Variants in FGF12 observed in about 807,000 individuals in gnomAD.
The protein encoded by FGF12 is fibroblast growth factor 12, also known as fibroblast growth factor 12B.
Under a neutral mutation model 23.6 loss-of-function variants are expected in FGF12, and 14 were observed. That is an observed-to-expected ratio of 0.59 (90% CI 0.39 to 0.93). FGF12 has a LOEUF of 0.93. Ranked by LOEUF, FGF12 falls within the 40% of genes least tolerant of loss-of-function variation. FGF12 has a pLI of 0.00. For synonymous variants in FGF12, 62 were observed against 77.3 expected (o/e 0.80, Z 1.04); for missense variants, 175 against 217.8 (o/e 0.80, Z 1.24).
At position 192,408,003 on chromosome 3, in the gene FGF12, C is replaced by T. The variant is rs1401075904; in HGVS notation, c.14-47465G>A. On this transcript the variant is annotated intron_variant, in intron 2 of 5. Coordinates refer to ENST00000445105, the MANE Select transcript of FGF12 (RefSeq NM_004113.6). This position sits in a 1 kb window ranked among gnomAD's most constrained non-coding sequence, Gnocchi z 7.3. ...AAGAGGGCGTCCCCTCTGGGGAGCCCACTCTCCGGGCTTCTACTGACCTGG... is the reference window on the plus strand; with the variant it reads ...AAGAGGGCGTCCCCTCTGGGGAGCCTACTCTCCGGGCTTCTACTGACCTGG... 6.3e-7 allele frequency: 1 copy of T among 1,587,790 alleles called. No homozygotes were observed. Among genetic ancestry groups the T allele is most frequent in the Non-Finnish European group, 8.6e-7 (1 of 1,167,942 alleles).
chr3:192,564,778 G>A (rs1282647861), intron 2 of FGF12, among the ~76,000 whole-genome samples: 1 of 152,156 alleles, frequency 6.6e-6, no homozygotes, highest in Non-Finnish European at 1.5e-5. Flanking sequence ...ATGTTTCTGT[G>A]TTTTGGTATT....
intron 3 of FGF12, among the ~76,000 whole-genome samples, chr3:192,343,076 C>A (rs958092807): frequency 6.6e-6 from 1 of 151,974 alleles, no homozygotes; most frequent in African/African-American, 2.4e-5. Context: ...ACATGTAAAT[C>A]CAGTATCTTT....
At chr3:192,321,902 G>C (rs1266790220) in intron 4 of FGF12, among the ~76,000 whole-genome samples, 1 of 151,970 alleles carries the variant, frequency 6.6e-6, no homozygotes, top group Admixed American at 6.5e-5. Flanking sequence ...TCTAAGATTA[G>C]GGAACAAGAC....
intron 4 of FGF12, among the ~76,000 whole-genome samples, chr3:192,231,740 A>G (rs1467619826): frequency 6.6e-6 from 1 of 152,136 alleles, no homozygotes; most frequent in Non-Finnish European, 1.5e-5. Context: ...ACTGCACTCC[A>G]GCCTGAGCAA....
intron 2 of FGF12, among the ~76,000 whole-genome samples, chr3:192,633,404 C>A (rs1216728997): frequency 1.3e-5 from 2 of 152,122 alleles, no homozygotes; most frequent in African/African-American, 2.4e-5. Context: ...ATGGCTTCAT[C>A]TTAATTCAGG....
Position 192,305,045 on chromosome 3 carries a change from CAAG to C in FGF12, c.228+30313_228+30315del, listed in dbSNP as rs1388907847. On this transcript the variant is annotated intron_variant, in intron 4 of 5. Coordinates refer to ENST00000445105, the MANE Select transcript of FGF12 (RefSeq NM_004113.6). ...GAGGATTGGAGGAATGGAGCAGAAA[CAAG>C]AGAGATTAACAGAGAAGGGAGAGGA... 3.3e-5 allele frequency among the ~76,000 whole-genome samples: 5 copies of C among 151,458 alleles called. No individual in the cohort carries two copies. In the East Asian group the frequency reaches 9.7e-4, roughly 29 times the overall value.
At chr3:192,197,929 A>G (rs1473934389) in intron 4 of FGF12, among the ~76,000 whole-genome samples, 2 of 148,374 alleles carry the variant, frequency 1.3e-5, no homozygotes, top group African/African-American at 5.0e-5. Context: ...CTGGGGAACA[A>G]AAGCGAAATT....
intron 2 of FGF12, among the ~76,000 whole-genome samples, chr3:192,490,765 A>G (rs1253945717): frequency 6.6e-6 from 1 of 152,178 alleles, no homozygotes; most frequent in Non-Finnish European, 1.5e-5. Context: ...AACATAACAC[A>G]AAGCAAAGCA....
At position 192,718,949 on chromosome 3, in the gene FGF12, G is replaced by T. The variant is rs1304677931; in HGVS notation, c.13+8232C>A. On this transcript the variant is annotated intron_variant, in intron 2 of 5. Coordinates refer to ENST00000445105, the MANE Select transcript of FGF12 (RefSeq NM_004113.6). ...ACAAGCTTAAAATAACAATTTCTTT[G>T]TAACAAGAAAATAAAAATCAATAAT... Among the ~76,000 whole-genome samples, 3 of 150,688 alleles carry T rather than the reference G, an allele frequency of 2.0e-5. No individual in the cohort carries two copies. In the East Asian group the frequency reaches 5.8e-4, roughly 29 times the overall value.
intron 2 of FGF12, among the ~76,000 whole-genome samples, chr3:192,512,859 T>TATATATATATATATATATATAA (rs376386122): frequency 0.019 from 1,061 of 56,918 alleles, 24 homozygotes; most frequent in African/African-American, 0.024. Context: ...TATATATATA[T>TATATATATATATATATATATAA]AACAGGCTAT....
In FGF12 at chr3:192,711,375, C is replaced by T. The variant is rs550742946; in HGVS notation, c.13+15806G>A. The stretch of plus-strand genomic sequence containing the variant: ...GCCGTCCCGTCCGGGAGGTGGGGGG[C>T]GCCTCTGCCCGGCCGCCCCTTCTGG... On this transcript the variant is annotated intron_variant, in intron 2 of 5. Coordinates refer to ENST00000445105, the MANE Select transcript of FGF12 (RefSeq NM_004113.6). Among the ~76,000 whole-genome samples, 136 of 152,048 alleles carry T rather than the reference C, an allele frequency of 8.9e-4. 1 individual carries two copies. Among genetic ancestry groups the T allele is most frequent in the African/African-American group, 3.1e-3 (128 of 41,436 alleles).
intron 2 of FGF12, among the ~76,000 whole-genome samples, chr3:192,654,806 C>T (rs1235902572): frequency 6.6e-6 from 1 of 152,138 alleles, no homozygotes; most frequent in Non-Finnish European, 1.5e-5. Flanking sequence ...GTATATTCAA[C>T]AGAAAGAGTG....
intron 4 of FGF12, among the ~76,000 whole-genome samples, chr3:192,288,482 G>T (rs1208076438): frequency 1.3e-5 from 2 of 151,922 alleles, no homozygotes; most frequent in African/African-American, 4.8e-5. Context: ...ATTATGGTAT[G>T]CTCTTTTGTT....
At chr3:192,248,858 T>C (rs67766975) in intron 4 of FGF12, among the ~76,000 whole-genome samples, 9,147 of 152,248 alleles carry the variant, frequency 0.06, 302 homozygotes, top group South Asian at 0.081. Context: ...CACAATTAAT[T>C]TGATCTATCA....
chr3:192,145,109 A>T (rs1362051557), intron 5 of FGF12, among the ~76,000 whole-genome samples: 1 of 152,110 alleles, frequency 6.6e-6, no homozygotes, highest in Admixed American at 6.5e-5. Flanking sequence ...CCGATTTGCG[A>T]ACCATGCTAC....
At chr3:192,565,873 G>T (rs377063727) in intron 2 of FGF12, among the ~76,000 whole-genome samples, 1 of 152,204 alleles carries the variant, frequency 6.6e-6, no homozygotes, top group East Asian at 1.9e-4. Flanking sequence ...GATCACCTGA[G>T]GTCAGGAGTT....
At chr3:192,500,544 C>G (rs1452915101) in intron 2 of FGF12, among the ~76,000 whole-genome samples, 1 of 152,204 alleles carries the variant, frequency 6.6e-6, no homozygotes, top group African/African-American at 2.4e-5. Flanking sequence ...CTATCCTGTT[C>G]AGGTTACTAC....
chr3:192,507,236 C>T (rs1724337339), intron 2 of FGF12, among the ~76,000 whole-genome samples: 1 of 151,786 alleles, frequency 6.6e-6, no homozygotes, highest in Admixed American at 6.6e-5. Context: ...TGGGGTGAGC[C>T]TCTTGGTTGA....
At chr3:192,302,387 A>C (rs1204493952) in intron 4 of FGF12, among the ~76,000 whole-genome samples, 1 of 152,174 alleles carries the variant, frequency 6.6e-6, no homozygotes. Context: ...TATAATTAAG[A>C]TTTTGTTGTT....
Sources: gnomAD v4.1 joint callset for allele counts (sites outside exome capture counted in the v4.1 genomes callset) on GRCh38, gnomAD v4.1.1 for gene constraint, Gnocchi (gnomAD v3.1) non-coding constraint, MANE v1.5 for transcripts, NCBI Gene and HGNC (gene_info 2026-07-23, HGNC 2026-07-21) for gene names.